The following NYAP2 variants were observed in gnomAD, a reference collection of about 807,000 sequenced individuals.
The protein encoded by NYAP2 is neuronal tyrosine-phosphorylated phosphoinositide-3-kinase adaptor 2, also known as neuronal tyrosine-phosphorylated phosphoinositide-3-kinase adapter 2.
NYAP2 carries 23 observed loss-of-function variants against 50.4 expected under a neutral mutation model. The observed-to-expected ratio is 0.46, with a 90% confidence interval of 0.33 to 0.65. The LOEUF (loss-of-function observed/expected upper bound fraction) is 0.65. Among genes scored for constraint, NYAP2 ranks in the 30% least tolerant of loss-of-function variants. The pLI is 0.02. For synonymous variants in NYAP2, 394 were observed against 365.2 expected (o/e 1.08, Z -0.90); for missense variants, 885 against 861.0 (o/e 1.03, Z -0.35).
chr2:225,520,428 C>A (rs1473572275), intron 4 of NYAP2, among the ~76,000 whole-genome samples: 1 of 152,108 alleles, frequency 6.6e-6, no homozygotes, highest in African/African-American at 2.4e-5. Context: ...AGTCTTTAAT[C>A]CATCTTGAAT....
intron 5 of NYAP2, among the ~76,000 whole-genome samples, chr2:225,607,976 A>G (rs1320481790): frequency 6.6e-6 from 1 of 152,156 alleles, no homozygotes; most frequent in Non-Finnish European, 1.5e-5. Context: ...CAGAGTAGTT[A>G]TTTAATGAAT....
chr2:225,464,320 G>A (rs953297162), intron 3 of NYAP2, among the ~76,000 whole-genome samples: 1 of 152,242 alleles, frequency 6.6e-6, no homozygotes. Context: ...GCAAATATTG[G>A]ACACAAGGGC....
At chr2:225,590,614 A>G (rs1001693592) in intron 5 of NYAP2, among the ~76,000 whole-genome samples, 1 of 152,226 alleles carries the variant, frequency 6.6e-6, no homozygotes, top group African/African-American at 2.4e-5. Context: ...TGTATTCAAG[A>G]AACTATTGCT....
intron 5 of NYAP2, among the ~76,000 whole-genome samples, chr2:225,625,257 T>G (rs1035267272): frequency 2.0e-5 from 3 of 152,140 alleles, no homozygotes; most frequent in Non-Finnish European, 4.4e-5. Flanking sequence ...TTATATTTCC[T>G]ACATAGATTA....
chr2:225,579,742 C>T (rs182584253), intron 4 of NYAP2, among the ~76,000 whole-genome samples: 126 of 152,298 alleles, frequency 8.3e-4, no homozygotes, highest in African/African-American at 2.8e-3. Context: ...ACACTGTAGC[C>T]TCCCATAAAT....
intron 4 of NYAP2, among the ~76,000 whole-genome samples, chr2:225,556,452 G>A (rs1343362593): frequency 2.0e-5 from 3 of 152,062 alleles, no homozygotes; most frequent in Non-Finnish European, 2.9e-5. Context: ...GGTGTTTTTG[G>A]TCTGGAGTGG....
chr2:225,426,735 G>A (rs1695294142), intron 3 of NYAP2, among the ~76,000 whole-genome samples: 1 of 152,130 alleles, frequency 6.6e-6, no homozygotes, highest in African/African-American at 2.4e-5. Context: ...AGTACAGTTT[G>A]ATGATTATTA....
exon 2 of NYAP2, chr2:225,400,813 C>T (rs188414500): frequency 1.3e-5 from 2 of 152,566 alleles, no homozygotes; most frequent in South Asian, 2.1e-4. Context: ...ATAGGAAGGA[C>T]ATCGAGAATG....
At chr2:225,585,502 A>G (rs962181006) in intron 5 of NYAP2, among the ~76,000 whole-genome samples, 13 of 152,264 alleles carry the variant, frequency 8.5e-5, no homozygotes, top group African/African-American at 2.9e-4. Context: ...GTGTACTTCT[A>G]AAACAAAGCT....
At chr2:225,440,996 A>T (rs1223333406) in intron 3 of NYAP2, among the ~76,000 whole-genome samples, 1 of 152,136 alleles carries the variant, frequency 6.6e-6, no homozygotes, top group Non-Finnish European at 1.5e-5. Context: ...GCTCTCTATG[A>T]GTTACATTCT....
intron 4 of NYAP2, among the ~76,000 whole-genome samples, chr2:225,541,783 G>A (rs190565203): frequency 8.2e-4 from 125 of 152,134 alleles, no homozygotes; most frequent in Middle Eastern, 3.4e-3. Flanking sequence ...GGACTTTGTG[G>A]TTCCATATAA....
intron 2 of NYAP2, among the ~76,000 whole-genome samples, chr2:225,406,534 C>CT (rs1482541993): frequency 6.6e-6 from 1 of 151,638 alleles, no homozygotes; most frequent in African/African-American, 2.4e-5. Context: ...TTCATTAGGG[C>CT]TTTTCATAAC....
the NYAP2 span, among the ~76,000 whole-genome samples, chr2:225,678,077 A>G: frequency 2.0e-5 from 3 of 151,966 alleles, no homozygotes; most frequent in Admixed American, 2.0e-4. Flanking sequence ...TTTTTTAATT[A>G]TTGATTCTAT....
intron 3 of NYAP2, among the ~76,000 whole-genome samples, chr2:225,504,913 C>T (rs1690676236): frequency 6.6e-6 from 1 of 151,380 alleles, no homozygotes; most frequent in African/African-American, 2.4e-5. Flanking sequence ...GAGGCTGAGG[C>T]AGAATAGTTG....
intron 6 of NYAP2, among the ~76,000 whole-genome samples, chr2:225,628,511 C>T (rs779922003): frequency 2.0e-5 from 3 of 151,700 alleles, no homozygotes; most frequent in East Asian, 2.0e-4. Context: ...TTAATAGAGA[C>T]GGGGTTTCAC....
chr2:225,501,039 T>A (rs1158716862), intron 3 of NYAP2, among the ~76,000 whole-genome samples: 1 of 152,190 alleles, frequency 6.6e-6, no homozygotes, highest in African/African-American at 2.4e-5. Flanking sequence ...ACTAGTTGCC[T>A]TATTATGGAT....
rs969681176 is a variant in NYAP2 at position 225,643,420 on chromosome 2, C to T, written c.1829-8012C>T. On this transcript the variant is annotated intron_variant, in intron 6 of 6. Transcript: ENST00000636099. ...ATAAAAAGTTACCTTTTCTTTTTTT[C>T]GGCTCCCTTATAATCTTTTTTTTTA... 5.3e-5 allele frequency among the ~76,000 whole-genome samples: 8 copies of T among 151,890 alleles called. No individual in the cohort carries two copies. The South Asian group carries it at 6.3e-4, about 12-fold the overall frequency.
At chr2:225,514,685 A>T (rs1690895439) in intron 4 of NYAP2, among the ~76,000 whole-genome samples, 1 of 152,128 alleles carries the variant, frequency 6.6e-6, no homozygotes, top group East Asian at 1.9e-4. Flanking sequence ...GAGCACAAAC[A>T]TTCAGCTCAT....
chr2:225,554,487 A>AT (rs377528014), intron 4 of NYAP2, among the ~76,000 whole-genome samples: 3 of 150,804 alleles, frequency 2.0e-5, no homozygotes, highest in Admixed American at 6.6e-5. Flanking sequence ...CACATGGCTA[A>AT]TTTTTTTTTG....
Sources: gnomAD v4.1 joint callset for allele counts (sites outside exome capture counted in the v4.1 genomes callset) on GRCh38, gnomAD v4.1.1 for gene constraint, MANE v1.5 for transcripts, NCBI Gene and HGNC (gene_info 2026-07-23, HGNC 2026-07-21) for gene names.